Variants in PARD3B observed in about 807,000 individuals in gnomAD.
PARD3B encodes par-3 family cell polarity regulator beta.
A neutral mutation model predicts 130.2 loss-of-function variants in PARD3B; 103 were observed. The ratio of observed to expected loss-of-function variants is 0.79; its 90% CI spans 0.67 to 0.93. PARD3B has a LOEUF of 0.93. PARD3B is among the 40% of genes least tolerant of loss of function. The pLI is 0.00. For missense variants in PARD3B, 1,609 were observed against 1,499.2 expected, an observed-to-expected ratio of 1.07 and a Z score of -1.21; for synonymous variants, 583 against 553.2, an observed-to-expected ratio of 1.05 and a Z score of -0.76.
In PARD3B at chr2:205,150,248, T is replaced by C. The variant is rs1354076741; in HGVS notation, c.1435-8474T>C. 9.4e-4 allele frequency among the ~76,000 whole-genome samples: 113 copies of C among 119,728 alleles called. 1 individual carries two copies. The highest frequency in any genetic ancestry group is 2.3e-3 in the African/African-American group (67 of 28,612). The allele number at this position is 119,728 out of a possible 152,430, so 78.5% of individuals were successfully genotyped here. ...GTGTGTGTGTGTGTGTGTGTGTGTG[T>C]GTGTGCACACACGCTTGAAATCTGT... On this transcript the variant is annotated intron_variant, in intron 10 of 22. Transcript: ENST00000406610.
At chr2:205,097,099 A>G (rs1248668016) in intron 4 of PARD3B, among the ~76,000 whole-genome samples, 1 of 152,136 alleles carries the variant, frequency 6.6e-6, no homozygotes. Context: ...TTTGTCTTGC[A>G]TATGTTCAGG....
intron 18 of PARD3B, among the ~76,000 whole-genome samples, chr2:205,356,476 CT>C (rs1200963388): frequency 6.6e-6 from 1 of 152,144 alleles, no homozygotes; most frequent in African/African-American, 2.4e-5. Context: ...TCAGCCTCCC[CT>C]GTAAACCCTA....
chr2:205,495,875 T>G (rs1179998194), intron 20 of PARD3B, among the ~76,000 whole-genome samples: 1 of 152,126 alleles, frequency 6.6e-6, no homozygotes, highest in African/African-American at 2.4e-5. Context: ...TCCATCAGTA[T>G]TTTTTGAGGT....
At position 205,309,914 on chromosome 2, in the gene PARD3B, A is replaced by G. The variant is rs976265211; in HGVS notation, c.2630+8213A>G. Among the ~76,000 whole-genome samples, 5 of 79,210 alleles carry G rather than the reference A, an allele frequency of 6.3e-5. No homozygotes were observed. The highest frequency in any genetic ancestry group is 1.4e-4 in the Non-Finnish European group (4 of 29,342). 52.0% of individuals were successfully genotyped at this position (79,210 alleles called of 152,430 possible). A position where few individuals can be genotyped will look rare whatever the true frequency, so the allele number is the denominator to read the frequency against. ...TATCCATCTATCTATCTATCTATCT[A>G]TCTATCTATCTATCATCTATTTTTC... On this transcript the variant is annotated intron_variant, in intron 18 of 22. Transcript: ENST00000406610. This position sits in a 1 kb window ranked among gnomAD's most constrained non-coding sequence, Gnocchi z 4.7.
At chr2:204,632,122 C>A (rs2034699603) in intron 1 of PARD3B, among the ~76,000 whole-genome samples, 1 of 152,078 alleles carries the variant, frequency 6.6e-6, no homozygotes, top group East Asian at 1.9e-4. Flanking sequence ...TCGTTACTAT[C>A]CTCGCAATCA....
chr2:205,062,441 C>T (rs545566796), intron 4 of PARD3B, among the ~76,000 whole-genome samples: 75 of 152,182 alleles, frequency 4.9e-4, no homozygotes, highest in South Asian at 8.3e-4. Context: ...TCCTGCTCCC[C>T]GCTCCCACCC....
At chr2:204,821,557 G>C (rs1291953073) in intron 2 of PARD3B, among the ~76,000 whole-genome samples, 1 of 109,126 alleles carries the variant, frequency 9.2e-6, no homozygotes, top group African/African-American at 3.5e-5. Context: ...TTGTGGGGTG[G>C]GGGGAGGGAT....
rs547357101 is a variant in PARD3B, at chr2:205,414,874, C to T, written c.2741+13751C>T. Among the ~76,000 whole-genome samples, 368 of 151,748 alleles carry T rather than the reference C, an allele frequency of 2.4e-3. 2 individuals carry two copies. Among genetic ancestry groups the T allele is most frequent in the African/African-American group, 7.5e-3 (311 of 41,408 alleles). On this transcript the variant is annotated intron_variant, in intron 19 of 22. Coordinates refer to ENST00000406610, the MANE Select transcript of PARD3B (RefSeq NM_001302769.2). ...AAAGATATTTTCAGATCAAATAATG[C>T]ACCTTTAAAAAAAAGTAAAATTTTA...
chr2:205,025,663 G>A (rs899482325), intron 3 of PARD3B, among the ~76,000 whole-genome samples: 1 of 151,922 alleles, frequency 6.6e-6, no homozygotes. Flanking sequence ...TTCTGTATAC[G>A]TGGAGCTGTA....
intron 2 of PARD3B, among the ~76,000 whole-genome samples, chr2:204,874,006 G>T (rs1206122515): frequency 6.6e-6 from 1 of 152,112 alleles, no homozygotes; most frequent in Non-Finnish European, 1.5e-5. Context: ...AGCTGGGCAT[G>T]GTGGCGGGTA....
chr2:205,197,553 A>G (rs941305720), intron 15 of PARD3B, among the ~76,000 whole-genome samples: 2 of 152,090 alleles, frequency 1.3e-5, no homozygotes, highest in Non-Finnish European at 2.9e-5. Context: ...AGCCCTTTTG[A>G]GGCTGCTTTG....
intron 4 of PARD3B, among the ~76,000 whole-genome samples, chr2:205,056,931 AT>A (rs761349534): frequency 6.8e-6 from 1 of 146,924 alleles, no homozygotes; most frequent in Non-Finnish European, 1.5e-5. Flanking sequence ...ATATATATAT[AT>A]ATTTGACATT....
chr2:204,983,080 T>C (rs981458411), intron 3 of PARD3B, among the ~76,000 whole-genome samples: 4 of 152,164 alleles, frequency 2.6e-5, no homozygotes, highest in Admixed American at 6.5e-5. Flanking sequence ...TTCTACCTGA[T>C]TGAGTATTTT....
chr2:204,733,228 C>T (rs1212442148), intron 2 of PARD3B, among the ~76,000 whole-genome samples: 1 of 152,042 alleles, frequency 6.6e-6, no homozygotes, highest in Non-Finnish European at 1.5e-5. Flanking sequence ...GTAAGTGATA[C>T]ACTTAGTGAT....
At position 204,592,802 on chromosome 2, in the gene PARD3B, A is replaced by G. The variant is rs190354003; in HGVS notation, c.120+46683A>G. 8.5e-5 allele frequency among the ~76,000 whole-genome samples: 13 copies of G among 152,274 alleles called. No homozygotes were observed. In the South Asian group the frequency reaches 1.5e-3, roughly 17 times the overall value. Reference sequence around the variant, plus strand: ...CTATTCCCACCAGCCCTTGACAATTACTAGTCTACTTTTGGTACTTTTGGT... The same window carrying G: ...CTATTCCCACCAGCCCTTGACAATTGCTAGTCTACTTTTGGTACTTTTGGT... On this transcript the variant is annotated intron_variant, in intron 1 of 22. Transcript: ENST00000406610.
chr2:204,865,798 G>A lies in PARD3B; in HGVS notation c.223-99354G>A, dbSNP rs1353751674. 3.3e-5 allele frequency among the ~76,000 whole-genome samples: 5 copies of A among 152,286 alleles called. No individual in the cohort carries two copies. In the South Asian group the frequency reaches 6.2e-4, roughly 19 times the overall value. On this transcript the variant is annotated intron_variant, in intron 2 of 22. Transcript: ENST00000406610. ...AAACCTATTGAAAGAAAAAGAAATA[G>A]TGATATAGAAGAAGAGTAAATCACA...
chr2:205,008,055 TAACAAA>T (rs1695420889), intron 3 of PARD3B, among the ~76,000 whole-genome samples: 1 of 152,210 alleles, frequency 6.6e-6, no homozygotes, highest in Non-Finnish European at 1.5e-5. Flanking sequence ...AGAGCTTCAA[TAACAAA>T]AACAAAAACT....
intron 2 of PARD3B, among the ~76,000 whole-genome samples, chr2:204,915,271 C>T (rs1472913374): frequency 2.0e-5 from 3 of 152,008 alleles, no homozygotes; most frequent in East Asian, 1.9e-4. Flanking sequence ...AAAGGGCCTG[C>T]GCTATACTTA....
intron 5 of PARD3B, among the ~76,000 whole-genome samples, chr2:205,113,196 T>G (rs575195284): frequency 1.1e-4 from 16 of 152,296 alleles, no homozygotes; most frequent in African/African-American, 3.6e-4. Context: ...TTTTAAAATA[T>G]GTTGATTTAT....
Sources: allele counts gnomAD v4.1 joint callset (sites outside exome capture counted in the v4.1 genomes callset), GRCh38; gene constraint gnomAD v4.1.1; non-coding constraint Gnocchi (gnomAD v3.1); transcripts MANE v1.5; gene names NCBI Gene and HGNC (gene_info 2026-07-23, HGNC 2026-07-21).